Variants in EYS observed in about 807,000 individuals in gnomAD.
EYS encodes protein eyes shut homolog.
In EYS, 250 loss-of-function variants were observed where a neutral mutation model predicts 282.1. That is an observed-to-expected ratio of 0.89 (90% CI 0.80 to 0.98). EYS has a LOEUF of 0.98. EYS is among the 50% of genes least tolerant of loss of function. EYS has a pLI of 0.00. For synonymous variants in EYS, 1,355 were observed against 1,282.9 expected (o/e 1.06, Z -1.20); for missense variants, 4,016 against 3,709.0 (o/e 1.08, Z -2.15).
intron 26 of EYS, among the ~76,000 whole-genome samples, chr6:64,533,845 A>G (rs1398396801): frequency 6.6e-6 from 1 of 151,858 alleles, no homozygotes; most frequent in African/African-American, 2.4e-5. Context: ...ATGCATATGC[A>G]TATGTATTTA....
chr6:64,712,193 A>ATG (rs897015728), intron 22 of EYS, among the ~76,000 whole-genome samples: 1 of 152,222 alleles, frequency 6.6e-6, no homozygotes, highest in Non-Finnish European at 1.5e-5. Flanking sequence ...ACATGTAGCA[A>ATG]TGTGTGTGTG....
chr6:64,930,266 G>A (rs1176711320), intron 15 of EYS, among the ~76,000 whole-genome samples: 1 of 151,872 alleles, frequency 6.6e-6, no homozygotes, highest in Non-Finnish European at 1.5e-5. Flanking sequence ...GTAAACTACA[G>A]TGTAGCTATA....
chr6:63,903,203 AAATATGG>A (rs1183500041), intron 35 of EYS, among the ~76,000 whole-genome samples: 1 of 152,122 alleles, frequency 6.6e-6, no homozygotes, highest in Non-Finnish European at 1.5e-5. Flanking sequence ...CATATTGATC[AAATATGG>A]AATCTAAGCT....
At chr6:64,839,188 G>A (rs1212845375) in intron 19 of EYS, among the ~76,000 whole-genome samples, 1 of 151,906 alleles carries the variant, frequency 6.6e-6, no homozygotes, top group Non-Finnish European at 1.5e-5. Context: ...ATTTTTGCTT[G>A]AGCAGTTCAC....
intron 1 of EYS, among the ~76,000 whole-genome samples, chr6:65,696,949 A>C (rs1382562754): frequency 6.6e-6 from 1 of 152,018 alleles, no homozygotes; most frequent in Admixed American, 6.6e-5. Context: ...AAAATACACC[A>C]TATTGAATTC....
Position 63,749,534 on chromosome 6 carries a change from T to A in EYS, c.8071+12927A>T, listed in dbSNP as rs1354626552. 2.0e-5 allele frequency among the ~76,000 whole-genome samples: 3 copies of A among 152,184 alleles called. No individual in the cohort carries two copies. In the East Asian group the frequency reaches 5.8e-4, roughly 29 times the overall value. ...CAGTACTGAGTTTAGGTCCTGAATA[T>A]CTTTGTTAATTTTCTGCCTTGATGA... On this transcript the variant is annotated intron_variant, in intron 41 of 42. Transcript: ENST00000503581.
chr6:65,490,022 A>T (rs1176211182), intron 5 of EYS: 1 of 152,472 alleles, frequency 6.6e-6, no homozygotes, highest in Admixed American at 6.5e-5. Context: ...GAAATACCTA[A>T]TATAGGTGAC....
intron 13 of EYS, among the ~76,000 whole-genome samples, chr6:65,018,115 T>TA (rs1211744995): frequency 1.3e-5 from 2 of 152,156 alleles, no homozygotes; most frequent in African/African-American, 4.8e-5. Flanking sequence ...CTGTGATCGA[T>TA]AAAAAAACAC....
chr6:64,695,587 CTT>C (rs70999162), intron 22 of EYS, among the ~76,000 whole-genome samples: 2 of 141,872 alleles, frequency 1.4e-5, no homozygotes, highest in African/African-American at 2.6e-5. Context: ...TTTCTTTTAA[CTT>C]TTTTTTTTTT....
chr6:65,156,989 T>C (rs1007537553), intron 12 of EYS, among the ~76,000 whole-genome samples: 1 of 151,038 alleles, frequency 6.6e-6, no homozygotes, highest in Non-Finnish European at 1.5e-5. Context: ...GACCTTATTC[T>C]TCTCTAGAAC....
At chr6:65,487,018 T>C (rs911819398) in intron 5 of EYS, among the ~76,000 whole-genome samples, 3 of 151,926 alleles carry the variant, frequency 2.0e-5, no homozygotes, top group Non-Finnish European at 2.9e-5. Flanking sequence ...TTTTCAACAA[T>C]GATTTTGTAT....
intron 36 of EYS, among the ~76,000 whole-genome samples, chr6:63,850,201 T>C (rs1028832088): frequency 2.0e-5 from 3 of 152,124 alleles, no homozygotes; most frequent in African/African-American, 7.2e-5. Context: ...CTATGATTGA[T>C]TGGTGTATCT....
intron 35 of EYS, among the ~76,000 whole-genome samples, chr6:63,981,317 T>A (rs1242993580): frequency 9.9e-5 from 15 of 151,828 alleles, no homozygotes; most frequent in Non-Finnish European, 1.9e-4. Context: ...CTCTCTGTTT[T>A]CTTGTATTAA....
chr6:64,721,084 C>T (rs1187045623), intron 22 of EYS, among the ~76,000 whole-genome samples: 2 of 152,124 alleles, frequency 1.3e-5, no homozygotes, highest in Non-Finnish European at 2.9e-5. Context: ...TACAAAGTGC[C>T]AGGCTCTATT....
At chr6:64,628,794 G>A (rs1767688766) in intron 22 of EYS, among the ~76,000 whole-genome samples, 1 of 151,834 alleles carries the variant, frequency 6.6e-6, no homozygotes, top group Admixed American at 6.6e-5. Context: ...TTTTTAAAGG[G>A]GATAGTTTAA....
intron 1 of EYS, among the ~76,000 whole-genome samples, chr6:65,673,503 G>A (rs900871691): frequency 6.6e-6 from 1 of 152,114 alleles, no homozygotes; most frequent in Non-Finnish European, 1.5e-5. Context: ...GAGGACCCAG[G>A]ACATACACTT....
At chr6:63,823,940 A>C (rs1771389118) in intron 36 of EYS, among the ~76,000 whole-genome samples, 1 of 152,120 alleles carries the variant, frequency 6.6e-6, no homozygotes, top group African/African-American at 2.4e-5. Context: ...TGTCTAGGTT[A>C]ATCTCTAGCC....
rs11306448 is a variant in EYS at position 64,184,897 on chromosome 6, G to GT, written c.6424+45694dup. Among the ~76,000 whole-genome samples, 108 of 149,844 alleles carry GT rather than the reference G, an allele frequency of 7.2e-4. 3 individuals are homozygous for GT. The South Asian group carries it at 0.02, about 28-fold the overall frequency. On this transcript the variant is annotated intron_variant, in intron 31 of 42. Transcript: ENST00000503581. Reference sequence around the variant, plus strand: ...TAAATAACATTGCTATGGTCTGAATGTTTTTTTTCTCCCAAATCCATATGC... The same window carrying GT: ...TAAATAACATTGCTATGGTCTGAATGTTTTTTTTTCTCCCAAATCCATATGC...
intron 31 of EYS, among the ~76,000 whole-genome samples, chr6:64,179,013 G>A (rs764984741): frequency 1.3e-5 from 2 of 151,846 alleles, no homozygotes; most frequent in Non-Finnish European, 2.9e-5. Context: ...AGAATTACTA[G>A]ACATCTCCTT....
Sources: allele counts gnomAD v4.1 joint callset (sites outside exome capture counted in the v4.1 genomes callset), GRCh38; gene constraint gnomAD v4.1.1; transcripts MANE v1.5; gene names NCBI Gene and HGNC (gene_info 2026-07-23, HGNC 2026-07-21).